The following MCTP1 variants were observed in gnomAD, a reference collection of about 807,000 sequenced individuals.
MCTP1 encodes multiple C2 and transmembrane domain containing 1, also known as multiple C2 and transmembrane domain-containing protein 1.
A neutral mutation model predicts 120.6 loss-of-function variants in MCTP1; 69 were observed. The observed-to-expected ratio is 0.57, with a 90% confidence interval of 0.47 to 0.70. The LOEUF is 0.70. Among genes scored for constraint, MCTP1 ranks in the 30% least tolerant of loss-of-function variants. The pLI is 0.00. For synonymous variants in MCTP1, 529 were observed against 493.1 expected, an observed-to-expected ratio of 1.07 and a Z score of -0.96; for missense variants, 1,203 against 1,248.8, an observed-to-expected ratio of 0.96 and a Z score of 0.55.
chr5:94,874,796 ATTTTC>A (rs1798497445), intron 12 of MCTP1, among the ~76,000 whole-genome samples: 1 of 152,126 alleles, frequency 6.6e-6, no homozygotes. Context: ...CAACAACTTT[ATTTTC>A]TCCCACGGAA....
At chr5:94,863,916 C>T (rs1796298901) in intron 17 of MCTP1, among the ~76,000 whole-genome samples, 1 of 151,582 alleles carries the variant, frequency 6.6e-6, no homozygotes, top group Non-Finnish European at 1.5e-5. Context: ...GCATAATGGC[C>T]CAGCTTTCTG....
chr5:94,811,409 A>G (rs1243317685), intron 17 of MCTP1, among the ~76,000 whole-genome samples: 1 of 152,212 alleles, frequency 6.6e-6, no homozygotes, highest in Admixed American at 6.5e-5. Context: ...ACTAGTTTAG[A>G]CAGCAAGCAA....
intron 1 of MCTP1, among the ~76,000 whole-genome samples, chr5:95,092,024 G>A (rs896698916): frequency 1.3e-5 from 2 of 152,088 alleles, no homozygotes; most frequent in African/African-American, 4.8e-5. Context: ...AAATGTTGCT[G>A]GAAGTTAAAG....
intron 10 of MCTP1, among the ~76,000 whole-genome samples, chr5:94,907,537 T>C (rs1373890068): frequency 6.8e-6 from 1 of 147,410 alleles, no homozygotes. Context: ...CCCTATGATC[T>C]TCTACCCAGC....
At chr5:95,213,297 A>G (rs903081752) in intron 1 of MCTP1, among the ~76,000 whole-genome samples, 13 of 152,310 alleles carry the variant, frequency 8.5e-5, no homozygotes, top group South Asian at 2.1e-4. Context: ...CTAGGAATCC[A>G]ACTTACAAAG....
chr5:95,283,540 A>G lies in MCTP1; in HGVS notation c.720+316T>C, dbSNP rs767588267. On this transcript the variant is annotated intron_variant, in intron 1 of 22. Transcript: ENST00000515393. ...TAGTTTTTTCTTTTGCCAAGATGAGATTTGGCTGGACATCTCCTTTCAGGA... is the reference window on the plus strand; with the variant it reads ...TAGTTTTTTCTTTTGCCAAGATGAGGTTTGGCTGGACATCTCCTTTCAGGA... 8.0e-4 allele frequency among the ~76,000 whole-genome samples: 122 copies of G among 152,268 alleles called. 1 individual carries two copies. Among genetic ancestry groups the G allele is most frequent in the Non-Finnish European group, 8.7e-4 (59 of 68,028 alleles).
intron 1 of MCTP1, among the ~76,000 whole-genome samples, chr5:95,136,555 G>A (rs1723772317): frequency 6.6e-6 from 1 of 152,136 alleles, no homozygotes; most frequent in Non-Finnish European, 1.5e-5. Context: ...GGGGAGGGAA[G>A]TGGGGAAGGG....
At chr5:94,981,387 T>G (rs1829383048) in intron 2 of MCTP1, among the ~76,000 whole-genome samples, 1 of 152,188 alleles carries the variant, frequency 6.6e-6, no homozygotes, top group African/African-American at 2.4e-5. Flanking sequence ...ATTACAAGAT[T>G]TGTGCTAGCT....
intron 9 of MCTP1, among the ~76,000 whole-genome samples, chr5:94,911,850 A>C (rs1189067052): frequency 6.6e-6 from 1 of 151,954 alleles, no homozygotes; most frequent in African/African-American, 2.4e-5. Flanking sequence ...TACTGTTGTT[A>C]CTCTTCCTCT....
At chr5:95,161,204 T>C (rs1250317147) in intron 1 of MCTP1, among the ~76,000 whole-genome samples, 1 of 152,132 alleles carries the variant, frequency 6.6e-6, no homozygotes, top group Non-Finnish European at 1.5e-5. Context: ...GTGTCCATCA[T>C]CAGATGCACG....
intron 10 of MCTP1, among the ~76,000 whole-genome samples, chr5:94,903,809 T>G (rs969955910): frequency 6.6e-6 from 1 of 152,204 alleles, no homozygotes; most frequent in African/African-American, 2.4e-5. Context: ...TAAATCTTGC[T>G]ATATTGGATT....
chr5:94,756,047 T>A (rs1025745548), intron 19 of MCTP1, among the ~76,000 whole-genome samples: 1 of 152,226 alleles, frequency 6.6e-6, no homozygotes, highest in South Asian at 2.1e-4. Flanking sequence ...ACAGTGATGC[T>A]GCTAATGATT....
chr5:94,791,112 CAAAAAAAAAA>C (rs60394333), intron 18 of MCTP1, among the ~76,000 whole-genome samples: 1 of 99,662 alleles, frequency 1.0e-5, no homozygotes, highest in Non-Finnish European at 1.9e-5. Context: ...GTCTCTACTA[CAAAAAAAAAA>C]AAAAAAAAAA....
intron 1 of MCTP1, among the ~76,000 whole-genome samples, chr5:95,283,423 C>A (rs1431606904): frequency 6.6e-6 from 1 of 152,186 alleles, no homozygotes; most frequent in Non-Finnish European, 1.5e-5. Flanking sequence ...TTTACCTCTC[C>A]ACGTTTCTAT....
At chr5:94,765,834 A>G (rs891675774) in intron 19 of MCTP1, among the ~76,000 whole-genome samples, 28 of 144,676 alleles carry the variant, frequency 1.9e-4, no homozygotes, top group African/African-American at 7.9e-4. Context: ...AAGAGGGGGA[A>G]AAAAAAAAGA....
intron 1 of MCTP1, among the ~76,000 whole-genome samples, chr5:95,143,972 A>T (rs1760155646): frequency 6.6e-6 from 1 of 152,172 alleles, no homozygotes. Context: ...TCTTTGAGAA[A>T]TCTCCAAACT....
chr5:95,181,974 T>G (rs751365457), intron 1 of MCTP1, among the ~76,000 whole-genome samples: 3 of 151,888 alleles, frequency 2.0e-5, no homozygotes, highest in Non-Finnish European at 2.9e-5. Flanking sequence ...AACGGGTCAC[T>G]GAAAGAGAGA....
At chr5:95,129,741 C>T (rs939586159) in intron 1 of MCTP1, among the ~76,000 whole-genome samples, 1 of 151,946 alleles carries the variant, frequency 6.6e-6, no homozygotes, top group Non-Finnish European at 1.5e-5. Context: ...CTCACTGCAA[C>T]CTCCGCCTTC....
At chr5:94,824,573 C>G (rs1248896256) in intron 17 of MCTP1, among the ~76,000 whole-genome samples, 1 of 152,164 alleles carries the variant, frequency 6.6e-6, no homozygotes, top group African/African-American at 2.4e-5. Context: ...GGAGGAGTCC[C>G]TCTTTTTCTA....
Sources: gnomAD v4.1 joint callset for allele counts (sites outside exome capture counted in the v4.1 genomes callset) on GRCh38, gnomAD v4.1.1 for gene constraint, MANE v1.5 for transcripts, NCBI Gene and HGNC (gene_info 2026-07-23, HGNC 2026-07-21) for gene names.